Variants in HSPA12A observed in about 807,000 individuals in gnomAD.
HSPA12A encodes the protein heat shock protein family A (Hsp70) member 12A, also known as heat shock 70 kDa protein 12A.
Under a neutral mutation model 69.2 loss-of-function variants are expected in HSPA12A, and 28 were observed. The ratio of observed to expected loss-of-function variants is 0.40; its 90% CI spans 0.30 to 0.55. HSPA12A has a LOEUF of 0.55. Among genes scored for constraint, HSPA12A ranks in the 20% least tolerant of loss-of-function variants. The pLI is 0.38. For synonymous variants in HSPA12A, 345 were observed against 370.5 expected, an observed-to-expected ratio of 0.93 and a Z score of 0.79; for missense variants, 686 against 900.7, an observed-to-expected ratio of 0.76 and a Z score of 3.05.
At chr10:116,707,404 C>A in intron 1 of HSPA12A, 119 bp from the exon 2 acceptor site, 1 of 768,622 alleles carries the variant, frequency 1.3e-6, no homozygotes, top group Non-Finnish European at 2.2e-6. Context: ...AGCCAGCTCA[C>A]GAAATGGGCA....
chr10:116,715,819 C>G, intron 1 of HSPA12A, among the ~76,000 whole-genome samples: 1 of 152,118 alleles, frequency 6.6e-6, no homozygotes, highest in East Asian at 1.9e-4. Context: ...AATAAGGATA[C>G]GAGTTCACTG....
At chr10:116,792,342 G>C (rs1844718154) in intron 2 of HSPA12A, among the ~76,000 whole-genome samples, 1 of 151,378 alleles carries the variant, frequency 6.6e-6, no homozygotes, top group Non-Finnish European at 1.5e-5. Flanking sequence ...AAAGAGTTCG[G>C]AGTGAGAGGT....
intron 2 of HSPA12A, among the ~76,000 whole-genome samples, chr10:116,764,453 G>A (rs1990275): frequency 0.55 from 83,949 of 152,030 alleles, 23,745 homozygotes; most frequent in African/African-American, 0.67. Flanking sequence ...TCTAGGACAT[G>A]TTAAGAAAAA....
chr10:116,726,560 T>A (rs1850968969), intron 1 of HSPA12A, among the ~76,000 whole-genome samples: 1 of 152,074 alleles, frequency 6.6e-6, no homozygotes, highest in African/African-American at 2.4e-5. Flanking sequence ...GTTGGTGTCC[T>A]TGGGTAGACC....
intron 1 of HSPA12A, among the ~76,000 whole-genome samples, chr10:116,728,190 C>T (rs991048911): frequency 6.6e-6 from 1 of 152,172 alleles, no homozygotes; most frequent in Non-Finnish European, 1.5e-5. Context: ...ATCCACCCAC[C>T]TGGGCCTCCT....
rs550399357 is a variant in HSPA12A at position 116,828,759 on chromosome 10, C to G, written c.91+6176G>C. The stretch of plus-strand genomic sequence containing the variant: ...GTCCTGCATCAAGGACACACAAAGG[C>G]ACACTTTAGAAAATTACTTTTATGT... On this transcript the variant is annotated intron_variant, in intron 2 of 12. Transcript: ENST00000635765. 9 of 152,192 alleles carry G rather than the reference C, an allele frequency of 5.9e-5. No homozygotes were observed. The South Asian group carries it at 1.9e-3, about 31-fold the overall frequency. 9.4% of individuals were successfully genotyped at this position (152,192 alleles called of 1,614,324 possible).
chr10:116,799,964 G>A (rs371269158), intron 2 of HSPA12A, among the ~76,000 whole-genome samples: 3 of 152,156 alleles, frequency 2.0e-5, no homozygotes, highest in South Asian at 4.1e-4. Context: ...AAAGTGGGTG[G>A]GTGAAGGATT....
At chr10:116,745,700 A>C (rs908221317), upstream of HSPA12A, among the ~76,000 whole-genome samples, 1 of 152,040 alleles carries the variant, frequency 6.6e-6, no homozygotes, top group Non-Finnish European at 1.5e-5. Flanking sequence ...CCAGGTAACC[A>C]ACCCTGTCTC....
intron 2 of HSPA12A, among the ~76,000 whole-genome samples, chr10:116,787,226 G>C (rs1273490896): frequency 6.6e-6 from 1 of 151,950 alleles, no homozygotes; most frequent in Admixed American, 6.6e-5. Context: ...CCTTTGCAGA[G>C]CAATCTGGAA....
intron 2 of HSPA12A, among the ~76,000 whole-genome samples, chr10:116,810,946 C>T (rs1038133983): frequency 2.0e-4 from 30 of 152,136 alleles, no homozygotes; most frequent in Non-Finnish European, 1.3e-4. Context: ...TCCTGCCCCA[C>T]GGAATTCACT....
At chr10:116,679,966 A>G (rs1849358181) in intron 9 of HSPA12A, among the ~76,000 whole-genome samples, 1 of 152,142 alleles carries the variant, frequency 6.6e-6, no homozygotes, top group South Asian at 2.1e-4. Context: ...CTTGTCAACA[A>G]TCTTTACTTT....
intron 10 of HSPA12A, 134 bp from the exon 11 acceptor site, chr10:116,676,636 CACCTTTGGAA>C (rs1849245770): frequency 1.5e-6 from 1 of 680,906 alleles, no homozygotes; most frequent in Admixed American, 2.4e-5. Flanking sequence ...AAGCCAAAAG[CACCTTTGGAA>C]ACCCTAAACT....
At chr10:116,817,103 C>T (rs1845320468) in intron 2 of HSPA12A, among the ~76,000 whole-genome samples, 1 of 152,172 alleles carries the variant, frequency 6.6e-6, no homozygotes. Context: ...ACCCCTTCCC[C>T]CACCCCACCA....
chr10:116,763,783 T>C (rs142086732), intron 2 of HSPA12A, among the ~76,000 whole-genome samples: 1 of 152,358 alleles, frequency 6.6e-6, no homozygotes, highest in African/African-American at 2.4e-5. Context: ...CTGAGGTTTC[T>C]AAGAAAGTCA....
At chr10:116,685,668 C>T (rs1175302669) in intron 6 of HSPA12A, among the ~76,000 whole-genome samples, 1 of 151,680 alleles carries the variant, frequency 6.6e-6, no homozygotes, top group African/African-American at 2.4e-5. Flanking sequence ...TGCAAAGGAC[C>T]TTCAGAGCTA....
chr10:116,844,363 C>G (rs958975856), intron 1 of HSPA12A, among the ~76,000 whole-genome samples: 2 of 152,028 alleles, frequency 1.3e-5, no homozygotes, highest in Non-Finnish European at 2.9e-5. Flanking sequence ...CAGCAGACAT[C>G]GATGAAGAAA....
At chr10:116,677,335 C>T (rs1230143510) in intron 10 of HSPA12A, among the ~76,000 whole-genome samples, 2 of 152,222 alleles carry the variant, frequency 1.3e-5, no homozygotes, top group East Asian at 1.9e-4. Context: ...ATGCAAAGTG[C>T]ACACCAGCAG....
chr10:116,747,276 T>C (rs1201833220), upstream of HSPA12A, among the ~76,000 whole-genome samples: 3 of 152,214 alleles, frequency 2.0e-5, no homozygotes, highest in Non-Finnish European at 2.9e-5. Context: ...AATATCACCA[T>C]CACTCAGGAC....
chr10:116,774,957 C>T (rs1554890939), intron 2 of HSPA12A, among the ~76,000 whole-genome samples: 3 of 151,848 alleles, frequency 2.0e-5, no homozygotes, highest in Non-Finnish European at 4.4e-5. Context: ...GGCCCCAGGT[C>T]GACTGCTACA....
Sources: gnomAD v4.1 joint callset for allele counts (sites outside exome capture counted in the v4.1 genomes callset) on GRCh38, gnomAD v4.1.1 for gene constraint, MANE v1.5 for transcripts, NCBI Gene and HGNC (gene_info 2026-07-23, HGNC 2026-07-21) for gene names.